PCED1B: variants seen among roughly 807,000 people sequenced by gnomAD.
PCED1B encodes the protein PC-esterase domain-containing protein 1B.
For synonymous variants in PCED1B, 251 were observed against 246.1 expected (o/e 1.02, Z -0.19); for missense variants, 573 against 573.9 (o/e 1.00, Z 0.02).
chr12:47,155,945 T>G (rs763664325), intron 2 of PCED1B, among the ~76,000 whole-genome samples: 1 of 152,042 alleles, frequency 6.6e-6, no homozygotes, highest in African/African-American at 2.4e-5. Flanking sequence ...GGAGAAGGGG[T>G]GGCTATTCAT....
intron 2 of PCED1B, among the ~76,000 whole-genome samples, chr12:47,170,472 C>A: frequency 6.7e-6 from 1 of 149,024 alleles, no homozygotes; most frequent in Admixed American, 6.6e-5. Flanking sequence ...GGCAACCGGG[C>A]AGAGGCGCCC....
chr12:47,111,239 C>A (rs1395163581), intron 2 of PCED1B, among the ~76,000 whole-genome samples: 1 of 152,158 alleles, frequency 6.6e-6, no homozygotes, highest in African/African-American at 2.4e-5. Context: ...TAGATGAGTT[C>A]ACTTTCTAGG....
chr12:47,185,680 G>A (rs115534146), intron 2 of PCED1B, among the ~76,000 whole-genome samples: 1,873 of 151,530 alleles, frequency 0.012, 35 homozygotes, highest in African/African-American at 0.043. Context: ...TCCCAACTAT[G>A]CAGGAGGCTG....
At chr12:47,179,572 T>C (rs1942031526) in intron 2 of PCED1B, among the ~76,000 whole-genome samples, 1 of 152,204 alleles carries the variant, frequency 6.6e-6, no homozygotes. Context: ...ACTGCTCTGG[T>C]TTAAGAGGTA....
chr12:47,220,302 G>C (rs1216859147), intron 3 of PCED1B, among the ~76,000 whole-genome samples: 2 of 152,082 alleles, frequency 1.3e-5, no homozygotes, highest in Non-Finnish European at 2.9e-5. Context: ...CTCCTGAATA[G>C]CTGGGATTAC....
chr12:47,201,052 AG>A (rs1362686858), intron 2 of PCED1B, among the ~76,000 whole-genome samples: 1 of 152,194 alleles, frequency 6.6e-6, no homozygotes, highest in African/African-American at 2.4e-5. Context: ...CCCTTTATTT[AG>A]CCGGCGGCCA....
intron 2 of PCED1B, among the ~76,000 whole-genome samples, chr12:47,133,856 C>A (rs756604414): frequency 2.6e-5 from 4 of 152,152 alleles, no homozygotes; most frequent in Non-Finnish European, 5.9e-5. Context: ...GTGATTTAGG[C>A]TCTAGCCTCA....
At chr12:47,083,286 C>T (rs114750995) in intron 1 of PCED1B, among the ~76,000 whole-genome samples, 5 of 152,186 alleles carry the variant, frequency 3.3e-5, no homozygotes, top group South Asian at 4.2e-4. Flanking sequence ...GACTCTACCA[C>T]GCGTCCTGTA....
At chr12:47,111,177 A>G (rs1468271037) in intron 2 of PCED1B, among the ~76,000 whole-genome samples, 4 of 152,160 alleles carry the variant, frequency 2.6e-5, no homozygotes, top group African/African-American at 9.7e-5. Flanking sequence ...ACAAGGACAT[A>G]AAGATCACAA....
chr12:47,224,541 C>A (rs1044397330), intron 3 of PCED1B, among the ~76,000 whole-genome samples: 2 of 152,100 alleles, frequency 1.3e-5, no homozygotes, highest in African/African-American at 4.8e-5. Context: ...CTGAATATAC[C>A]CACAGTGATT....
Position 47,236,337 on chromosome 12 carries a change from C to A in PCED1B, c.1274C>A (p.Ala425Asp). 1 of 1,607,156 alleles carries A rather than the reference C, an allele frequency of 6.2e-7. No homozygotes were observed. ...CGACCTTCAAAGAGAAGGGCCCCAG[C>A]CAATCCTGAGCCAAGGCCTCAATAG... ...RPRPSKRRAP[A>D]NPEPRPQ Residue 425 changes from alanine to aspartate, a missense_variant, in exon 4 of 4, where the codon GCC becomes GAC. Transcript: ENST00000546455.
chr12:47,165,203 G>A (rs1388517485), intron 2 of PCED1B, among the ~76,000 whole-genome samples: 1 of 152,022 alleles, frequency 6.6e-6, no homozygotes, highest in African/African-American at 2.4e-5. Flanking sequence ...TCTCCTTTTG[G>A]ACTTTCAGCA....
intron 3 of PCED1B, among the ~76,000 whole-genome samples, chr12:47,227,761 G>A (rs1367210414): frequency 1.3e-5 from 2 of 151,952 alleles, no homozygotes; most frequent in Non-Finnish European, 1.5e-5. Flanking sequence ...ACCAAGGCAC[G>A]ACAATTGCTT....
intron 1 of PCED1B, among the ~76,000 whole-genome samples, chr12:47,080,417 T>C (rs1937634697): frequency 1.3e-5 from 2 of 152,222 alleles, no homozygotes; most frequent in African/African-American, 4.8e-5. Flanking sequence ...AGGCTTTGCC[T>C]GCGCCAAGTG....
intron 2 of PCED1B, among the ~76,000 whole-genome samples, chr12:47,152,966 CAGTT>C (rs1441759010): frequency 1.3e-5 from 2 of 151,724 alleles, no homozygotes; most frequent in Non-Finnish European, 2.9e-5. Context: ...ATTAGGCTGA[CAGTT>C]AGTAAAAGTT....
chr12:47,189,389 G>A (rs4768779), intron 2 of PCED1B, among the ~76,000 whole-genome samples: 64,928 of 152,086 alleles, frequency 0.43, 16,853 homozygotes, highest in South Asian at 0.59. Flanking sequence ...TTCTTGTGCC[G>A]TGAATGGAGA....
chr12:47,086,660 T>C (rs945853572), intron 1 of PCED1B, among the ~76,000 whole-genome samples: 16 of 152,246 alleles, frequency 1.1e-4, no homozygotes, highest in African/African-American at 3.6e-4. Context: ...ATTATCGTTA[T>C]CTCTTGAGAT....
chr12:47,123,562 C>T (rs569411744), intron 2 of PCED1B, among the ~76,000 whole-genome samples: 105 of 151,928 alleles, frequency 6.9e-4, no homozygotes, highest in African/African-American at 2.2e-3. Context: ...GTAAGGCCAC[C>T]AGTATATCAA....
intron 2 of PCED1B, among the ~76,000 whole-genome samples, chr12:47,125,387 T>C (rs763951352): frequency 3.9e-5 from 6 of 152,104 alleles, no homozygotes; most frequent in Non-Finnish European, 8.8e-5. Context: ...GCCTATCTGA[T>C]GGCAATACCG....
Sources: allele counts gnomAD v4.1 joint callset (sites outside exome capture counted in the v4.1 genomes callset), GRCh38; gene constraint gnomAD v4.1.1; transcripts MANE v1.5; gene names NCBI Gene and HGNC (gene_info 2026-07-23, HGNC 2026-07-21).